The following ZNF141 variants were observed in gnomAD, a reference collection of about 807,000 sequenced individuals.
ZNF141 encodes zinc finger protein 141 (clone pHZ-44).
In ZNF141, 7 loss-of-function variants were observed where a neutral mutation model predicts 11.3. The observed-to-expected ratio is 0.62, with a 90% CI of 0.35 to 1.16. The LOEUF (loss-of-function observed/expected upper bound fraction) is 1.16. Ranked by LOEUF, ZNF141 falls within the 50% of genes most tolerant of loss-of-function variation. ZNF141 has a pLI of 0.02. For missense variants in ZNF141, 535 were observed against 554.0 expected, an observed-to-expected ratio of 0.97 and a Z score of 0.34; for synonymous variants, 183 against 190.7, an observed-to-expected ratio of 0.96 and a Z score of 0.33.
chr4:349,320 C>G (rs1376243153), intron 3 of ZNF141, among the ~76,000 whole-genome samples: 1 of 151,776 alleles, frequency 6.6e-6, no homozygotes, highest in Non-Finnish European at 1.5e-5. Flanking sequence ...TATCCTGATA[C>G]TTTAATGAAT....
intron 3 of ZNF141, chr4:350,048 A>C: frequency 2.1e-6 from 1 of 480,882 alleles, no homozygotes; most frequent in South Asian, 1.6e-5. Flanking sequence ...GCCTGCCTCC[A>C]GGGCCATGGC....
chr4:359,390 G>A (rs1209617594), intron 3 of ZNF141, among the ~76,000 whole-genome samples: 1 of 152,200 alleles, frequency 6.6e-6, no homozygotes, highest in Non-Finnish European at 1.5e-5. Context: ...CTTGCGAGAT[G>A]TTTGGAAATG....
Position 376,099 on chromosome 4 carries a change from A to AT in ZNF141, c.*2242dup, listed in dbSNP as rs1370960671. ...GAACATAATTTTTTAACTAAACAAA[A>AT]TTTTTAACGTGTTGAAATAATTGTT... On this transcript the variant is annotated 3_prime_UTR_variant, in exon 4 of 4. Coordinates refer to ENST00000240499, the MANE Select transcript of ZNF141 (RefSeq NM_003441.4). 1.6e-4 allele frequency among the ~76,000 whole-genome samples: 25 copies of AT among 152,226 alleles called. No individual in the cohort carries two copies. The highest frequency in any genetic ancestry group is 5.8e-4 in the African/African-American group (24 of 41,580).
chr4:338,580 C>T (rs1553847958), intron 1 of ZNF141: 1 of 154,926 alleles, frequency 6.5e-6, no homozygotes, highest in Non-Finnish European at 1.4e-5. Flanking sequence ...TTAGAATACG[C>T]TAGTGTGGGC....
Position 376,346 on chromosome 4 carries a change from A to G in ZNF141, c.*2484A>G, listed in dbSNP as rs181714748. Among the ~76,000 whole-genome samples, 343 of 152,140 alleles carry G rather than the reference A, an allele frequency of 2.3e-3. No homozygotes were observed. The highest frequency in any genetic ancestry group is 7.7e-3 in the African/African-American group (322 of 41,560). On this transcript the variant is annotated 3_prime_UTR_variant, in exon 4 of 4. Transcript: ENST00000240499. Reference sequence around the variant, plus strand: ...ATTTTTGTGGGTACATAGTATGCATATTTATCTATGGCATATATGGGTTAT... The same window carrying G: ...ATTTTTGTGGGTACATAGTATGCATGTTTATCTATGGCATATATGGGTTAT...
intron 3 of ZNF141, among the ~76,000 whole-genome samples, chr4:363,172 CTCTG>C (rs1711570301): frequency 6.6e-6 from 1 of 151,950 alleles, no homozygotes; most frequent in Non-Finnish European, 1.5e-5. Flanking sequence ...TGATTTGGCT[CTCTG>C]TCTGTTACTG....
In ZNF141 at chr4:373,452, T is replaced by C; in HGVS notation, c.1015T>C (p.Tyr339His). 4.3e-6 allele frequency: 7 copies of C among 1,614,044 alleles called. No homozygotes were observed. The highest frequency in any genetic ancestry group is 5.9e-6 in the Non-Finnish European group (7 of 1,179,998). Residue 339 changes from tyrosine to histidine, a missense_variant, in exon 4 of 4, where the codon TAC becomes CAC. Coordinates refer to ENST00000240499, the MANE Select transcript of ZNF141 (RefSeq NM_003441.4). ...HKRIHTGEKP[Y>H]TCEECGKAFR... is the part of the protein sequence containing the mutation. Reference sequence around the variant, plus strand: ...GAGAATTCATACTGGAGAGAAACCCTACACATGTGAAGAATGTGGCAAAGC... The same window carrying C: ...GAGAATTCATACTGGAGAGAAACCCCACACATGTGAAGAATGTGGCAAAGC...
chr4:341,402 T>C lies in ZNF141; in HGVS notation c.4-2380T>C, dbSNP rs531171706. 5.9e-5 allele frequency among the ~76,000 whole-genome samples: 9 copies of C among 152,332 alleles called. No individual in the cohort carries two copies. In the South Asian group the frequency reaches 1.9e-3, roughly 32 times the overall value. ...ATGCCATTATGTGAATGGCTATTCA[T>C]TGACAGAAGAGAAGTTGTTATTATT... On this transcript the variant is annotated intron_variant, in intron 1 of 3. Transcript: ENST00000240499.
At position 375,657 on chromosome 4, in the gene ZNF141, T is replaced by TAC. The variant is rs1368437319; in HGVS notation, c.*1796_*1797dup. ...GTTGAAAAGAAGATTTTTGAAGAGATACTACATTTAAAGTATATTTTTTCA... is the reference window on the plus strand; with the variant it reads ...GTTGAAAAGAAGATTTTTGAAGAGATACACTACATTTAAAGTATATTTTTTCA... On this transcript the variant is annotated 3_prime_UTR_variant, in exon 4 of 4. Transcript: ENST00000240499. Among the ~76,000 whole-genome samples, 4 of 152,054 alleles carry TAC rather than the reference T, an allele frequency of 2.6e-5. No homozygotes were observed. The highest frequency in any genetic ancestry group is 9.7e-5 in the African/African-American group (4 of 41,444).
At chr4:339,105 G>C (rs1332770854) in intron 1 of ZNF141, among the ~76,000 whole-genome samples, 1 of 152,214 alleles carries the variant, frequency 6.6e-6, no homozygotes, top group Non-Finnish European at 1.5e-5. Context: ...GCATTCGCAC[G>C]GCCACACTTG....
At chr4:369,750 A>ATTTTTT (rs1560196716) in intron 3 of ZNF141, among the ~76,000 whole-genome samples, 3 of 35,194 alleles carry the variant, frequency 8.5e-5, no homozygotes, top group African/African-American at 4.1e-4. Flanking sequence ...ATATATATAT[A>ATTTTTT]TATATATATA....
At chr4:347,226 G>A (rs185497500) in intron 3 of ZNF141, among the ~76,000 whole-genome samples, 1 of 151,350 alleles carries the variant, frequency 6.6e-6, no homozygotes, top group Non-Finnish European at 1.5e-5. Context: ...TAATAGAGAC[G>A]GAGTTTCTCC....
chr4:346,639 G>A (rs1295255270), intron 3 of ZNF141, among the ~76,000 whole-genome samples: 1 of 152,054 alleles, frequency 6.6e-6, no homozygotes, highest in East Asian at 1.9e-4. Flanking sequence ...CCCACCCTAG[G>A]CACTAACAAC....
At position 337,982 on chromosome 4, in the gene ZNF141, A is replaced by G. The variant is rs537290192; in HGVS notation, c.-2A>G. Reference sequence around the variant, plus strand: ...ACTCCCGAATACTTCAGAAGTGGGGAAATGGTGAGTGTGCGGGGCAGGGCG... The same window carrying G: ...ACTCCCGAATACTTCAGAAGTGGGGGAATGGTGAGTGTGCGGGGCAGGGCG... On this transcript the variant is annotated 5_prime_UTR_variant, in exon 1 of 4. Coordinates refer to ENST00000240499, the MANE Select transcript of ZNF141 (RefSeq NM_003441.4). The G allele has an allele frequency of 2.5e-5, 40 of 1,613,330 alleles. No individual in the cohort carries two copies. The East Asian group carries it at 7.8e-4, about 31-fold the overall frequency.
rs1712121175 is a variant in ZNF141 at position 372,595 on chromosome 4, A to G, written c.227-69A>G. ...TTACTAATGTATTTTGAATAATTTCATAAGATTTGTAAAGTATATTTATAT... is the reference window on the plus strand; with the variant it reads ...TTACTAATGTATTTTGAATAATTTCGTAAGATTTGTAAAGTATATTTATAT... On this transcript the variant is annotated intron_variant, in intron 3 of 3. Transcript: ENST00000240499. The G allele has an allele frequency of 4.6e-6, 6 of 1,315,796 alleles. No homozygotes were observed. In the South Asian group the frequency reaches 5.7e-5, roughly 12 times the overall value. 81.5% of individuals were successfully genotyped at this position (1,315,796 alleles called of 1,614,324 possible). A position where few individuals can be genotyped will look rare whatever the true frequency, so the allele number is the denominator to read the frequency against.
In ZNF141 at chr4:372,430, T is replaced by C. The variant is rs187446200; in HGVS notation, c.227-234T>C. Among the ~76,000 whole-genome samples, 128 of 152,366 alleles carry C rather than the reference T, an allele frequency of 8.4e-4. 1 individual carries two copies. The highest frequency in any genetic ancestry group is 6.8e-3 in the Middle Eastern group (2 of 294). On this transcript the variant is annotated intron_variant, in intron 3 of 3. Transcript: ENST00000240499. ...CATTCCTTCCTGTTCTATGTGGCTC[T>C]TGGCATTTTGCTTACCTGAGGCATT...
Position 365,386 on chromosome 4 carries a change from T to C in ZNF141, c.227-7278T>C, listed in dbSNP as rs574351119. Among the ~76,000 whole-genome samples, 7 of 152,220 alleles carry C rather than the reference T, an allele frequency of 4.6e-5. No homozygotes were observed. In the South Asian group the frequency reaches 1.2e-3, roughly 27 times the overall value. Reference sequence around the variant, plus strand: ...CAATGAGATGAACCAGGTACCTCAGTTGGAAGTGCAGAAATCACCCGTCTT... The same window carrying C: ...CAATGAGATGAACCAGGTACCTCAGCTGGAAGTGCAGAAATCACCCGTCTT... On this transcript the variant is annotated intron_variant, in intron 3 of 3. Transcript: ENST00000240499.
In ZNF141 at chr4:353,244, C is replaced by T. The variant is rs548605715; in HGVS notation, c.226+8814C>T. On this transcript the variant is annotated intron_variant, in intron 3 of 3. Transcript: ENST00000240499. The stretch of plus-strand genomic sequence containing the variant: ...AGAAAGTTAGCCAGGCATGGTGGCA[C>T]GAACTTGTATTCCCAGCTACTTGGG... Among the ~76,000 whole-genome samples, 13 of 151,884 alleles carry T rather than the reference C, an allele frequency of 8.6e-5. 1 individual carries two copies. Among genetic ancestry groups the T allele is most frequent in the Admixed American group, 6.6e-4 (10 of 15,244 alleles).
At chr4:343,434 A>G (rs1020301142) in intron 1 of ZNF141, among the ~76,000 whole-genome samples, 8 of 152,178 alleles carry the variant, frequency 5.3e-5, no homozygotes, top group African/African-American at 1.7e-4. Flanking sequence ...ATTAAGAACT[A>G]TGTCCCTTCG....
Sources: gnomAD v4.1 joint callset for allele counts (sites outside exome capture counted in the v4.1 genomes callset) on GRCh38, gnomAD v4.1.1 for gene constraint, MANE v1.5 for transcripts, NCBI Gene and HGNC (gene_info 2026-07-23, HGNC 2026-07-21) for gene names.